DACH2: variants seen among roughly 807,000 people sequenced by gnomAD.
DACH2 encodes dachshund homolog 2.
In DACH2, 17 loss-of-function variants were observed where a neutral mutation model predicts 35.8. That is an observed-to-expected ratio of 0.48 (90% confidence interval 0.33 to 0.71). The LOEUF is 0.71. DACH2 is among the 30% of genes least tolerant of loss of function. The pLI is 0.02. For missense variants in DACH2, 469 were observed against 472.7 expected, an observed-to-expected ratio of 0.99 and a Z score of 0.07; for synonymous variants, 195 against 177.3, an observed-to-expected ratio of 1.10 and a Z score of -0.79.
chrX:86,533,662 A>G (rs1372110824), intron 3 of DACH2, among the ~76,000 whole-genome samples: 1 of 112,177 alleles, frequency 8.9e-6, no homozygotes, highest in Non-Finnish European at 1.9e-5. Flanking sequence ...TATTCTCTTT[A>G]AAGTAAAAGT....
chrX:86,296,780 G>A (rs1344482023), intron 1 of DACH2, among the ~76,000 whole-genome samples: 1 of 110,356 alleles, frequency 9.1e-6, no homozygotes, highest in African/African-American at 3.3e-5. Context: ...CATTTTACTA[G>A]GCTTATTCAT....
intron 3 of DACH2, among the ~76,000 whole-genome samples, chrX:86,580,746 G>A (rs911719935): frequency 1.8e-4 from 20 of 111,986 alleles, no homozygotes; most frequent in Non-Finnish European, 2.1e-4. Context: ...TATGTGAAGA[G>A]TACAAATCTA....
chrX:86,658,963 A>T (rs938366717), intron 4 of DACH2, among the ~76,000 whole-genome samples: 2 of 111,371 alleles, frequency 1.8e-5, no homozygotes, highest in African/African-American at 6.5e-5. Context: ...CATGGAGCAG[A>T]TGTTGAGTAC....
At chrX:86,702,143 T>C (rs1282640732) in intron 5 of DACH2, among the ~76,000 whole-genome samples, 2 of 111,692 alleles carry the variant, frequency 1.8e-5, no homozygotes, top group African/African-American at 6.5e-5. Flanking sequence ...TAGAAGAACA[T>C]GGAAATTAAA....
intron 3 of DACH2, among the ~76,000 whole-genome samples, chrX:86,608,819 A>G (rs1325355349): frequency 9.0e-6 from 1 of 111,727 alleles, no homozygotes; most frequent in African/African-American, 3.3e-5. Flanking sequence ...TAAGGTTTCC[A>G]CTAAAAATTT....
At chrX:86,618,209 G>A (rs1286802536) in intron 3 of DACH2, among the ~76,000 whole-genome samples, 1 of 111,938 alleles carries the variant, frequency 8.9e-6, no homozygotes. Flanking sequence ...AGGCTGCAGT[G>A]AGTTATGATT....
At chrX:86,400,239 T>G (rs2148130100) in intron 2 of DACH2, among the ~76,000 whole-genome samples, 1 of 111,916 alleles carries the variant, frequency 8.9e-6, no homozygotes, top group South Asian at 3.8e-4. Context: ...TATCAGGTCC[T>G]TTAAGGACTT....
At chrX:86,319,154 C>G (rs1602398990) in intron 1 of DACH2, among the ~76,000 whole-genome samples, 1 of 111,802 alleles carries the variant, frequency 8.9e-6, no homozygotes, top group East Asian at 2.8e-4. Context: ...GCTTTTATTT[C>G]AGAGTTTAAT....
chrX:86,334,788 T>G lies in DACH2; in HGVS notation c.489-42036T>G, dbSNP rs757365550. Among the ~76,000 whole-genome samples the G allele has an allele frequency of 5.3e-5, 6 of 112,472 alleles. No individual in the cohort carries two copies. The East Asian group carries it at 1.7e-3, about 32-fold the overall frequency. On this transcript the variant is annotated intron_variant, in intron 1 of 11. Coordinates refer to ENST00000373125, the MANE Select transcript of DACH2 (RefSeq NM_053281.3). ...TTAGATCCCATTTCTCAATTTTGGCTTTTGTTGCCAATGCTTTTGGTGTTT... is the reference window on the plus strand; with the variant it reads ...TTAGATCCCATTTCTCAATTTTGGCGTTTGTTGCCAATGCTTTTGGTGTTT...
intron 1 of DACH2, among the ~76,000 whole-genome samples, chrX:86,359,159 C>A (rs1472476517): frequency 1.9e-5 from 2 of 106,626 alleles, no homozygotes; most frequent in Admixed American, 2.1e-4. Context: ...CCTTTAATTT[C>A]TTACAGGTAA....
chrX:86,663,885 T>C (rs746860989), intron 4 of DACH2, among the ~76,000 whole-genome samples: 5 of 111,794 alleles, frequency 4.5e-5, no homozygotes, highest in Non-Finnish European at 7.5e-5. Context: ...TAGGTGATCA[T>C]CATAAGATCC....
chrX:86,263,207 T>C (rs1298218641), intron 1 of DACH2, among the ~76,000 whole-genome samples: 2 of 111,825 alleles, frequency 1.8e-5, no homozygotes, highest in African/African-American at 6.5e-5. Context: ...AAATATAATA[T>C]ATGGGGCAAT....
At chrX:86,802,707 T>A (rs893948943) in intron 7 of DACH2, among the ~76,000 whole-genome samples, 3 of 110,595 alleles carry the variant, frequency 2.7e-5, no homozygotes, top group African/African-American at 9.9e-5. Context: ...ACACGTCAGG[T>A]TGAAAGCTGC....
chrX:86,711,228 T>A (rs909918222), intron 5 of DACH2, among the ~76,000 whole-genome samples: 1 of 110,062 alleles, frequency 9.1e-6, no homozygotes, highest in Non-Finnish European at 1.9e-5. Flanking sequence ...ATAAAAAAAA[T>A]TAGCTGGGCA....
intron 1 of DACH2, among the ~76,000 whole-genome samples, chrX:86,372,835 C>T (rs1317968522): frequency 1.8e-5 from 2 of 110,831 alleles, no homozygotes; most frequent in Non-Finnish European, 3.8e-5. Flanking sequence ...CTCTCCCCTA[C>T]GTCTAGTAGT....
intron 7 of DACH2, among the ~76,000 whole-genome samples, chrX:86,758,208 A>T (rs2041847164): frequency 9.0e-6 from 1 of 111,056 alleles, no homozygotes; most frequent in Non-Finnish European, 1.9e-5. Flanking sequence ...AAAACCAACT[A>T]TGTGTTTTGT....
At chrX:86,582,527 T>C in intron 3 of DACH2, among the ~76,000 whole-genome samples, 1 of 110,927 alleles carries the variant, frequency 9.0e-6, no homozygotes, top group Non-Finnish European at 1.9e-5. Context: ...ATATTTCCAT[T>C]GACCTTACAG....
At chrX:86,301,319 A>ATTATTTTATTATTTTATT (rs2034570858) in intron 1 of DACH2, among the ~76,000 whole-genome samples, 1 of 112,064 alleles carries the variant, frequency 8.9e-6, no homozygotes, top group Non-Finnish European at 1.9e-5. Context: ...TCTTTGTTTT[A>ATTATTTTATTATTTTATT]TCAGTGACAA....
chrX:86,772,066 C>A (rs1037989807), intron 7 of DACH2, among the ~76,000 whole-genome samples: 1 of 111,450 alleles, frequency 9.0e-6, no homozygotes, highest in Non-Finnish European at 1.9e-5. Context: ...TGAATTTGGG[C>A]AAGCATCTTT....
Sources: gnomAD v4.1 joint callset for allele counts (sites outside exome capture counted in the v4.1 genomes callset) on GRCh38, gnomAD v4.1.1 for gene constraint, MANE v1.5 for transcripts, NCBI Gene and HGNC (gene_info 2026-07-23, HGNC 2026-07-21) for gene names.